The following SLC38A6 variants were observed in gnomAD, a reference collection of about 807,000 sequenced individuals.
The protein encoded by SLC38A6 is solute carrier family 38 member 6.
A neutral mutation model predicts 65.0 loss-of-function variants in SLC38A6; 73 were observed. The ratio of observed to expected loss-of-function variants is 1.12; its 90% confidence interval spans 0.93 to 1.37. The LOEUF (loss-of-function observed/expected upper bound fraction) is 1.37. Among genes scored for constraint, SLC38A6 ranks in the 40% most tolerant of loss-of-function variants. The probability of loss-of-function intolerance (pLI) is 0.00; values close to 1 mark genes in which losing one functional copy is unlikely to be tolerated. For synonymous variants in SLC38A6, 183 were observed against 178.8 expected, an observed-to-expected ratio of 1.02 and a Z score of -0.19; for missense variants, 561 against 531.1, an observed-to-expected ratio of 1.06 and a Z score of -0.55.
At chr14:60,984,985 AAGCAC>A (rs1566604042) in intron 3 of SLC38A6, among the ~76,000 whole-genome samples, 182 bp downstream of exon 3, 1 of 152,316 alleles carries the variant, frequency 6.6e-6, no homozygotes. Flanking sequence ...GGGAATATCC[AAGCAC>A]AGGATGGGAG....
chr14:61,015,635 G>C (rs1490517809), intron 3 of SLC38A6, among the ~76,000 whole-genome samples: 2 of 152,146 alleles, frequency 1.3e-5, no homozygotes, highest in Non-Finnish European at 2.9e-5. Context: ...TAGGTATTGT[G>C]GCTTATGTTT....
intron 3 of SLC38A6, among the ~76,000 whole-genome samples, chr14:60,988,426 G>T (rs546753803): frequency 6.6e-6 from 1 of 152,182 alleles, no homozygotes; most frequent in Non-Finnish European, 1.5e-5. Flanking sequence ...TATTACCCCT[G>T]TTATAATTCT....
intron 5 of SLC38A6, among the ~76,000 whole-genome samples, chr14:61,021,896 G>C (rs781028017): frequency 1.4e-4 from 22 of 152,076 alleles, no homozygotes; most frequent in Non-Finnish European, 7.4e-5. Flanking sequence ...GCTTGCTCTT[G>C]TGAGCAGAAC....
intron 3 of SLC38A6, among the ~76,000 whole-genome samples, chr14:60,986,579 A>T (rs1354763533): frequency 6.6e-6 from 1 of 152,248 alleles, no homozygotes; most frequent in African/African-American, 2.4e-5. Context: ...ACAAATATTA[A>T]TCCTAAAGTA....
rs1470694246 is a variant in SLC38A6 at position 60,981,725 on chromosome 14, G to A, written c.105+343G>A. On this transcript the variant is annotated intron_variant, in intron 1 of 15. Transcript: ENST00000267488. ...TTTTGTCACCTTATTTTCTCCACCA[G>A]TCTCGTGAGGTCTTTGCAAGAGTCA... 12 of 1,305,538 alleles carry A rather than the reference G, an allele frequency of 9.2e-6. No homozygotes were observed. The East Asian group carries it at 6.3e-4, about 68-fold the overall frequency. 80.9% of individuals were successfully genotyped at this position (1,305,538 alleles called of 1,614,324 possible).
At chr14:61,006,033 A>T (rs1238996438) in intron 3 of SLC38A6, among the ~76,000 whole-genome samples, 1 of 152,162 alleles carries the variant, frequency 6.6e-6, no homozygotes, top group Non-Finnish European at 1.5e-5. Flanking sequence ...GCATATCTAC[A>T]CCTATCTGAT....
intron 3 of SLC38A6, among the ~76,000 whole-genome samples, chr14:61,003,385 C>G (rs1221607308): frequency 2.6e-5 from 4 of 151,890 alleles, no homozygotes; most frequent in African/African-American, 9.7e-5. Context: ...TTTATGTAAC[C>G]ACTTTCTCAT....
intron 3 of SLC38A6, among the ~76,000 whole-genome samples, chr14:60,991,503 G>A (rs2037883120): frequency 6.6e-6 from 1 of 152,258 alleles, no homozygotes; most frequent in East Asian, 1.9e-4. Context: ...TAACTTCCCA[G>A]TTAGGAAGTA....
chr14:61,048,930 A>G (rs909282013), intron 12 of SLC38A6, among the ~76,000 whole-genome samples: 1 of 152,220 alleles, frequency 6.6e-6, no homozygotes. Context: ...ACTCACAAGT[A>G]TCTCACAGAT....
chr14:61,046,085 G>A lies in SLC38A6; in HGVS notation c.843G>A (p.Met281Ile). The change falls in exon 12 of 16, where the codon ATG becomes ATA. Residue 281 changes from methionine (M) to isoleucine (I), a missense_variant. By Grantham distance (10) the Met-to-Ile change is conservative (BLOSUM62 1). Coordinates refer to ENST00000267488, the MANE Select transcript of SLC38A6 (RefSeq NM_153811.3). Reference protein sequence around the residue: ...CELQSPSKKRMQNVTNTAIAL... With the variant: ...CELQSPSKKRIQNVTNTAIAL... ...CTTTTAGTCCTTCAAAGAAAAGAAT[G>A]CAGAATGTTACCAATACAGCAATTG... The A allele has an allele frequency of 6.2e-7, 1 of 1,608,348 alleles. No individual in the cohort carries two copies. Among genetic ancestry groups the A allele is most frequent in the African/African-American group, 1.3e-5 (1 of 74,896 alleles).
intron 3 of SLC38A6, among the ~76,000 whole-genome samples, chr14:61,003,782 G>A (rs913165525): frequency 3.2e-4 from 49 of 152,124 alleles, no homozygotes; most frequent in Non-Finnish European, 5.3e-4. Flanking sequence ...TCATATTCAT[G>A]TTGTCTCAGG....
intron 1 of SLC38A6, chr14:60,982,226 A>G (rs1485155693): frequency 4.0e-6 from 2 of 498,232 alleles, no homozygotes. Flanking sequence ...TCCTATCTTC[A>G]TCTCTTGCAG....
chr14:61,063,615 T>C (rs977392493), intron 15 of SLC38A6, among the ~76,000 whole-genome samples: 1 of 152,158 alleles, frequency 6.6e-6, no homozygotes, highest in Non-Finnish European at 1.5e-5. Context: ...TTTTCATATA[T>C]GGAAATACAC....
chr14:60,988,726 A>C (rs1453797865), intron 3 of SLC38A6, among the ~76,000 whole-genome samples: 12 of 151,736 alleles, frequency 7.9e-5, no homozygotes, highest in Admixed American at 7.9e-4. Flanking sequence ...GACCCCCCAC[A>C]CTCATTCTTA....
At chr14:61,001,419 T>A (rs759477173) in intron 3 of SLC38A6, among the ~76,000 whole-genome samples, 1 of 152,236 alleles carries the variant, frequency 6.6e-6, no homozygotes, top group African/African-American at 2.4e-5. Flanking sequence ...TTTTTTGTTA[T>A]TGAGTTGCAG....
At chr14:61,017,609 T>C (rs1467184792) in intron 4 of SLC38A6, among the ~76,000 whole-genome samples, 1 of 152,220 alleles carries the variant, frequency 6.6e-6, no homozygotes, top group Admixed American at 6.5e-5. Flanking sequence ...ACATAACCTA[T>C]AAACATAACT....
chr14:61,046,212 A>G, intron 12 of SLC38A6, 45 bp downstream of exon 12: 1 of 1,269,982 alleles, frequency 7.9e-7, no homozygotes, highest in Non-Finnish European at 1.1e-6. Context: ...ATAGTTACAT[A>G]GATGGCCTCA....
intron 6 of SLC38A6, 101 bp from the exon 7 acceptor site, chr14:61,036,958 C>CTGTGTG (rs1370806635): frequency 1.6e-5 from 6 of 377,892 alleles, no homozygotes; most frequent in African/African-American, 1.4e-4. Flanking sequence ...ATGGTTATAA[C>CTGTGTG]TCTGTGTGTG....
At chr14:61,067,973 C>T (rs572884838) in intron 15 of SLC38A6, among the ~76,000 whole-genome samples, 34 of 152,208 alleles carry the variant, frequency 2.2e-4, no homozygotes, top group South Asian at 1.7e-3. Flanking sequence ...TGCAGCCCAC[C>T]GCTATCAGTA....
Sources: allele counts gnomAD v4.1 joint callset (sites outside exome capture counted in the v4.1 genomes callset), GRCh38; gene constraint gnomAD v4.1.1; transcripts MANE v1.5; gene names NCBI Gene and HGNC (gene_info 2026-07-23, HGNC 2026-07-21).